Variants in CNTNAP2 observed in about 807,000 individuals in gnomAD.
CNTNAP2 encodes contactin-associated protein-like 2.
CNTNAP2 carries 98 observed loss-of-function variants against 155.2 expected under a neutral mutation model. That is an observed-to-expected ratio of 0.63 (90% CI 0.54 to 0.75). The LOEUF is 0.75. Among genes scored for constraint, CNTNAP2 ranks in the 30% least tolerant of loss-of-function variants. The pLI, the probability that CNTNAP2 is intolerant of heterozygous loss-of-function variation, is 0.00. For synonymous variants in CNTNAP2, 651 were observed against 631.2 expected (o/e 1.03, Z -0.47); for missense variants, 1,727 against 1,688.1 (o/e 1.02, Z -0.40).
intron 13 of CNTNAP2, among the ~76,000 whole-genome samples, chr7:147,792,303 C>T (rs899373145): frequency 6.6e-6 from 1 of 152,134 alleles, no homozygotes; most frequent in African/African-American, 2.4e-5. Context: ...GTTTCAGTAA[C>T]CGAAAAGAAA....
intron 9 of CNTNAP2, among the ~76,000 whole-genome samples, chr7:147,385,401 T>G (rs112275569): frequency 1.3e-5 from 2 of 152,324 alleles, no homozygotes; most frequent in African/African-American, 4.8e-5. Flanking sequence ...ACAAGGCAAG[T>G]CCTTTCTGCT....
chr7:148,280,788 G>A (rs57317381), intron 21 of CNTNAP2, among the ~76,000 whole-genome samples: 7,887 of 151,808 alleles, frequency 0.052, 314 homozygotes, highest in African/African-American at 0.1. Flanking sequence ...GCAAGATGGC[G>A]GGAGCCTGTA....
At chr7:148,148,408 T>A (rs1280245595) in intron 17 of CNTNAP2, among the ~76,000 whole-genome samples, 2 of 152,198 alleles carry the variant, frequency 1.3e-5, no homozygotes, top group African/African-American at 4.8e-5. Context: ...TTAAATTTTG[T>A]TTTTGAGAAT....
chr7:146,457,203 G>T (rs1357143872), intron 1 of CNTNAP2, among the ~76,000 whole-genome samples: 1 of 149,258 alleles, frequency 6.7e-6, no homozygotes, highest in African/African-American at 2.5e-5. Context: ...TGCAGTCACA[G>T]ACGTATTTTT....
chr7:146,252,713 C>T lies in CNTNAP2; in HGVS notation c.97+135740C>T, dbSNP rs541137357. Reference sequence around the variant, plus strand: ...ATTAGGCCAGTTATGTTTTAGGATACCCATTGCCTTATATTCTTAAAAAGA... The same window carrying T: ...ATTAGGCCAGTTATGTTTTAGGATATCCATTGCCTTATATTCTTAAAAAGA... On this transcript the variant is annotated intron_variant, in intron 1 of 23. Transcript: ENST00000361727. Among the ~76,000 whole-genome samples the T allele has an allele frequency of 1.1e-4, 17 of 152,012 alleles. No homozygotes were observed. In the East Asian group the frequency reaches 2.7e-3, roughly 24 times the overall value.
intron 13 of CNTNAP2, among the ~76,000 whole-genome samples, chr7:147,827,487 C>G (rs369953628): frequency 9.4e-4 from 143 of 152,248 alleles, no homozygotes; most frequent in African/African-American, 3.2e-3. Flanking sequence ...ATATTTTGCT[C>G]TAAATAGTGT....
intron 1 of CNTNAP2, among the ~76,000 whole-genome samples, chr7:146,257,974 T>C (rs1000984010): frequency 6.7e-6 from 1 of 149,706 alleles, no homozygotes; most frequent in Admixed American, 6.7e-5. Context: ...CACTGCAGCC[T>C]CCACCTCCTG....
At chr7:147,265,639 T>G (rs757872649) in intron 8 of CNTNAP2, among the ~76,000 whole-genome samples, 1 of 152,094 alleles carries the variant, frequency 6.6e-6, no homozygotes, top group Non-Finnish European at 1.5e-5. Flanking sequence ...CACAGCACAC[T>G]CCCTCCACCA....
intron 11 of CNTNAP2, among the ~76,000 whole-genome samples, chr7:147,519,815 C>T (rs1228404017): frequency 6.6e-6 from 1 of 152,188 alleles, no homozygotes; most frequent in Non-Finnish European, 1.5e-5. Context: ...CAGTGAGCCA[C>T]AGTCGTACCA....
At chr7:148,090,819 C>G (rs768190573) in intron 15 of CNTNAP2, among the ~76,000 whole-genome samples, 1 of 152,072 alleles carries the variant, frequency 6.6e-6, no homozygotes, top group Non-Finnish European at 1.5e-5. Flanking sequence ...CAGCATTATT[C>G]ACAATCGCTA....
intron 8 of CNTNAP2, among the ~76,000 whole-genome samples, chr7:147,146,995 T>G (rs1229942364): frequency 1.3e-5 from 2 of 152,180 alleles, no homozygotes; most frequent in African/African-American, 4.8e-5. Flanking sequence ...ATTTTCACAC[T>G]GCTGTGAAGA....
At chr7:146,587,820 G>A (rs887010431) in intron 1 of CNTNAP2, among the ~76,000 whole-genome samples, 2 of 151,866 alleles carry the variant, frequency 1.3e-5, no homozygotes, top group African/African-American at 4.8e-5. Context: ...GATTACAGGT[G>A]CACGCCACCA....
rs1330615365 is a variant in CNTNAP2, at chr7:147,079,373, G to A, written c.551-28774G>A. 2.6e-5 allele frequency among the ~76,000 whole-genome samples: 4 copies of A among 151,920 alleles called. No individual in the cohort carries two copies. The East Asian group carries it at 7.8e-4, about 29-fold the overall frequency. ...CTGACAGAGCTGTCTTCATCCCACC[G>A]TTAGTGGGACATGCAGTTTGGGATG... On this transcript the variant is annotated intron_variant, in intron 4 of 23. Transcript: ENST00000361727.
chr7:147,286,667 A>G (rs917223035), intron 8 of CNTNAP2, among the ~76,000 whole-genome samples: 7 of 152,240 alleles, frequency 4.6e-5, no homozygotes, highest in African/African-American at 1.7e-4. Flanking sequence ...GTATATATGA[A>G]TGAGTTTTTC....
intron 1 of CNTNAP2, among the ~76,000 whole-genome samples, chr7:146,219,840 CATT>C (rs1277927849): frequency 6.6e-6 from 1 of 152,050 alleles, no homozygotes; most frequent in Non-Finnish European, 1.5e-5. Flanking sequence ...TGTAGACTGA[CATT>C]ATTATTTTTA....
chr7:148,023,659 G>A (rs1163661616), intron 15 of CNTNAP2, among the ~76,000 whole-genome samples: 1 of 152,174 alleles, frequency 6.6e-6, no homozygotes, highest in African/African-American at 2.4e-5. Context: ...GGTGGATTCT[G>A]TGAGGTGCCA....
At chr7:146,570,738 T>C (rs1203904070) in intron 1 of CNTNAP2, among the ~76,000 whole-genome samples, 1 of 152,094 alleles carries the variant, frequency 6.6e-6, no homozygotes, top group Admixed American at 6.5e-5. Context: ...ACTGATGTTG[T>C]ATGAAGAGTA....
intron 3 of CNTNAP2, among the ~76,000 whole-genome samples, chr7:146,952,829 G>A (rs1797349767): frequency 6.6e-6 from 1 of 152,026 alleles, no homozygotes; most frequent in Admixed American, 6.6e-5. Flanking sequence ...GACAGAAGAT[G>A]TCCAGTAGAT....
At chr7:146,247,979 A>T (rs1799690027) in intron 1 of CNTNAP2, among the ~76,000 whole-genome samples, 2 of 151,156 alleles carry the variant, frequency 1.3e-5, no homozygotes, top group Non-Finnish European at 3.0e-5. Flanking sequence ...CGGGGTGCAG[A>T]GATATAAGAG....
Sources: allele counts gnomAD v4.1 joint callset (sites outside exome capture counted in the v4.1 genomes callset), GRCh38; gene constraint gnomAD v4.1.1; transcripts MANE v1.5; gene names NCBI Gene and HGNC (gene_info 2026-07-23, HGNC 2026-07-21).